Variants in NUBPL observed in about 807,000 individuals in gnomAD.
The protein encoded by NUBPL is iron-sulfur cluster transfer protein NUBPL.
In NUBPL, 31 loss-of-function variants were observed where a neutral mutation model predicts 45.7. That is an observed-to-expected ratio of 0.68 (90% CI 0.51 to 0.92). The LOEUF (loss-of-function observed/expected upper bound fraction) is 0.92, where lower values mean the gene tolerates loss of function less well. Ranked by LOEUF, NUBPL falls within the 40% of genes least tolerant of loss-of-function variation. The probability of loss-of-function intolerance (pLI) is 0.00; values close to 1 mark genes in which losing one functional copy is unlikely to be tolerated. For synonymous variants in NUBPL, 144 were observed against 140.9 expected (o/e 1.02, Z -0.15); for missense variants, 401 against 398.7 (o/e 1.01, Z -0.05).
rs142760575 is a variant in NUBPL at position 31,564,001 on chromosome 14, A to G, written c.257-1013A>G. Among the ~76,000 whole-genome samples, 256 of 152,344 alleles carry G rather than the reference A, an allele frequency of 1.7e-3. 1 individual carries two copies. The highest frequency in any genetic ancestry group is 2.9e-3 in the Non-Finnish European group (198 of 68,034). ...GGTAAAATAACCTACTCAAGAGTAC[A>G]CAATAGAAGGTGGCAGAGCTGGGAT... is the stretch of plus-strand genomic sequence containing the variant. On this transcript the variant is annotated intron_variant, in intron 2 of 10. Transcript: ENST00000281081.
chr14:31,578,622 G>T (rs888293154), intron 3 of NUBPL, among the ~76,000 whole-genome samples: 2 of 152,144 alleles, frequency 1.3e-5, no homozygotes, highest in African/African-American at 4.8e-5. Flanking sequence ...CCATGTTCTT[G>T]CTTTCTCCTT....
chr14:31,849,095 T>C (rs1454772018), intron 9 of NUBPL, among the ~76,000 whole-genome samples: 1 of 152,216 alleles, frequency 6.6e-6, no homozygotes, highest in East Asian at 1.9e-4. Flanking sequence ...TGAGGACTTA[T>C]AGTTTAAGAT....
chr14:31,686,658 C>T (rs1280813904), intron 6 of NUBPL: 3 of 152,194 alleles, frequency 2.0e-5, no homozygotes, highest in Non-Finnish European at 4.4e-5. Flanking sequence ...GCCTTTTCTC[C>T]ATATCCTCGC....
chr14:31,577,936 T>C (rs2033758783), intron 3 of NUBPL: 1 of 1,287,592 alleles, frequency 7.8e-7, no homozygotes, highest in Admixed American at 2.3e-5. Flanking sequence ...CTCATGCCAT[T>C]AGAGTGACCA....
chr14:31,688,438 G>A (rs1016506878), intron 6 of NUBPL, among the ~76,000 whole-genome samples: 7 of 151,842 alleles, frequency 4.6e-5, no homozygotes, highest in Admixed American at 3.3e-4. Context: ...TTAGCCAGGC[G>A]TGGTGGTGGG....
At chr14:31,826,293 G>A (rs2040102287) in intron 7 of NUBPL, among the ~76,000 whole-genome samples, 1 of 151,812 alleles carries the variant, frequency 6.6e-6, no homozygotes, top group African/African-American at 2.4e-5. Flanking sequence ...GCTAATTTTT[G>A]TATTTTTAGT....
chr14:31,700,704 G>A lies in NUBPL; in HGVS notation c.513+27130G>A, dbSNP rs546020221. 3.3e-5 allele frequency among the ~76,000 whole-genome samples: 5 copies of A among 152,312 alleles called. No homozygotes were observed. The East Asian group carries it at 9.7e-4, about 29-fold the overall frequency. ...TAGCACCTGGGCCAGCAGCTGTGGA[G>A]GGTGCGCTGGGTCCTCCAGCACTGC... is the stretch of plus-strand genomic sequence containing the variant. On this transcript the variant is annotated intron_variant, in intron 6 of 10. Transcript: ENST00000281081.
chr14:31,643,355 A>G (rs889291894), intron 4 of NUBPL, among the ~76,000 whole-genome samples: 2 of 152,096 alleles, frequency 1.3e-5, no homozygotes, highest in South Asian at 2.1e-4. Context: ...GATTTTTATC[A>G]TAAAGGGATG....
At chr14:31,671,413 A>G (rs1441265552) in intron 4 of NUBPL, among the ~76,000 whole-genome samples, 1 of 152,238 alleles carries the variant, frequency 6.6e-6, no homozygotes, top group Non-Finnish European at 1.5e-5. Context: ...GCATTCTATA[A>G]AACAACTGCA....
intron 6 of NUBPL, among the ~76,000 whole-genome samples, chr14:31,688,156 G>A (rs192912196): frequency 6.6e-6 from 1 of 152,154 alleles, no homozygotes; most frequent in Non-Finnish European, 1.5e-5. Flanking sequence ...TAAAGGTGGA[G>A]AATTTAATGC....
At chr14:31,798,988 G>T (rs529176941) in intron 7 of NUBPL, among the ~76,000 whole-genome samples, 2 of 151,838 alleles carry the variant, frequency 1.3e-5, no homozygotes, top group South Asian at 2.1e-4. Flanking sequence ...GAAACTACAG[G>T]AACACTATCA....
intron 3 of NUBPL, among the ~76,000 whole-genome samples, chr14:31,572,685 A>C (rs1474960762): frequency 6.6e-6 from 1 of 152,210 alleles, no homozygotes; most frequent in Non-Finnish European, 1.5e-5. Context: ...GCTTCTTAAA[A>C]GATGACGTAT....
intron 6 of NUBPL, among the ~76,000 whole-genome samples, chr14:31,733,471 T>C (rs7492643): frequency 0.56 from 85,153 of 152,088 alleles, 26,446 homozygotes; most frequent in African/African-American, 0.85. Flanking sequence ...GATCCATGAA[T>C]ATTATATATC....
At chr14:31,631,554 T>C (rs2035344637) in intron 4 of NUBPL, among the ~76,000 whole-genome samples, 1 of 150,170 alleles carries the variant, frequency 6.7e-6, no homozygotes, top group Admixed American at 6.6e-5. Context: ...GGAGGCTAAG[T>C]CCCAAGATCT....
intron 4 of NUBPL, among the ~76,000 whole-genome samples, chr14:31,667,262 T>C (rs953482685): frequency 3.6e-4 from 55 of 152,058 alleles, no homozygotes; most frequent in Admixed American, 7.9e-4. Flanking sequence ...TCATTCTTTT[T>C]TCTGTAATCT....
intron 4 of NUBPL, among the ~76,000 whole-genome samples, chr14:31,623,469 C>G (rs1393488486): frequency 6.6e-6 from 1 of 152,150 alleles, no homozygotes; most frequent in Non-Finnish European, 1.5e-5. Context: ...GGTTCAGTGT[C>G]CCCACCCAGA....
At chr14:31,739,319 G>T (rs932496059) in intron 6 of NUBPL, among the ~76,000 whole-genome samples, 2 of 149,014 alleles carry the variant, frequency 1.3e-5, no homozygotes, top group South Asian at 2.1e-4. Context: ...TCCTGACCTC[G>T]GATGATCCGT....
At chr14:31,679,334 GGC>G (rs2036774513) in intron 6 of NUBPL, among the ~76,000 whole-genome samples, 1 of 152,062 alleles carries the variant, frequency 6.6e-6, no homozygotes, top group African/African-American at 2.4e-5. Flanking sequence ...CTGCGTTGGG[GGC>G]GGGGGGCAAT....
intron 6 of NUBPL, among the ~76,000 whole-genome samples, chr14:31,783,133 C>G (rs4525402): frequency 0.064 from 9,706 of 152,230 alleles, 422 homozygotes; most frequent in Non-Finnish European, 0.092. Context: ...AAATCCATCT[C>G]CCTGAACTGG....
Sources: gnomAD v4.1 joint callset for allele counts (sites outside exome capture counted in the v4.1 genomes callset) on GRCh38, gnomAD v4.1.1 for gene constraint, MANE v1.5 for transcripts, NCBI Gene and HGNC (gene_info 2026-07-23, HGNC 2026-07-21) for gene names.